ITGB6: variants seen among roughly 807,000 people sequenced by gnomAD.
ITGB6 encodes integrin beta-6.
In ITGB6, 80 loss-of-function variants were observed where a neutral mutation model predicts 84.5. The observed-to-expected ratio is 0.95, with a 90% confidence interval of 0.79 to 1.14. ITGB6 has a LOEUF of 1.14. Ranked by LOEUF, ITGB6 falls within the 50% of genes most tolerant of loss-of-function variation. The pLI is 0.00. For missense variants in ITGB6, 1,006 were observed against 968.0 expected (o/e 1.04, Z -0.52); for synonymous variants, 383 against 354.9 (o/e 1.08, Z -0.89).
chr2:160,184,921 A>C (rs1685834488), intron 4 of ITGB6, among the ~76,000 whole-genome samples: 1 of 152,182 alleles, frequency 6.6e-6, no homozygotes, highest in South Asian at 2.1e-4. Flanking sequence ...CTTCAACAAA[A>C]CTCAACATCC....
chr2:160,137,696 T>A lies in ITGB6; in HGVS notation c.1398A>T (p.Lys466Asn), dbSNP rs749120125. ...CQKEVEVNSS[K>N]CHHGNGSFQC... is the part of the protein sequence containing the mutation. ...GGAAAGAGCCGTTCCCGTGGTGACA[T>A]TTGGAGCTGTTCACTTCCACTTCTT... is the stretch of plus-strand genomic sequence containing the variant. Residue 466 changes from lysine (K) to asparagine (N), a missense_variant, in exon 10 of 15, where the codon AAA becomes AAT. Transcript: ENST00000283249. 6.2e-7 allele frequency: 1 copy of A among 1,614,166 alleles called. No individual in the cohort carries two copies. The highest frequency in any genetic ancestry group is 1.1e-5 in the South Asian group (1 of 91,076).
chr2:160,121,730 T>C (rs1386427751), intron 12 of ITGB6, among the ~76,000 whole-genome samples: 1 of 146,746 alleles, frequency 6.8e-6, no homozygotes, highest in African/African-American at 2.5e-5. Flanking sequence ...ATCACGCCAC[T>C]ACACTCCAGC....
Position 160,125,510 on chromosome 2 carries a change from C to T in ITGB6, c.1883+869G>A, listed in dbSNP as rs867852727. Among the ~76,000 whole-genome samples the T allele has an allele frequency of 1.8e-4, 27 of 152,302 alleles. No individual in the cohort carries two copies. In the South Asian group the frequency reaches 5.6e-3, roughly 32 times the overall value. On this transcript the variant is annotated intron_variant, in intron 11 of 14. Transcript: ENST00000283249. The stretch of plus-strand genomic sequence containing the variant: ...ATGTCCTCATGCTTCTCCTGGCATG[C>T]GTCTTGTCTTAGTTTGCCAGTGACA...
chr2:160,131,163 C>T (rs1408642351), intron 10 of ITGB6, among the ~76,000 whole-genome samples: 1 of 151,544 alleles, frequency 6.6e-6, no homozygotes, highest in African/African-American at 2.4e-5. Flanking sequence ...CATGCTATTT[C>T]AGAGGGATAG....
intron 4 of ITGB6, among the ~76,000 whole-genome samples, chr2:160,177,867 C>T (rs1051805555): frequency 6.8e-6 from 1 of 147,744 alleles, no homozygotes. Context: ...ATAAAAAGAG[C>T]GAACAGTTAT....
At chr2:160,196,949 A>C (rs144539464) in intron 2 of ITGB6, among the ~76,000 whole-genome samples, 1 of 152,080 alleles carries the variant, frequency 6.6e-6, no homozygotes, top group Non-Finnish European at 1.5e-5. Flanking sequence ...CCTAAAGGGT[A>C]GGGATTGCAA....
At chr2:160,132,311 A>G (rs1683501864) in intron 10 of ITGB6, among the ~76,000 whole-genome samples, 1 of 152,148 alleles carries the variant, frequency 6.6e-6, no homozygotes, top group South Asian at 2.1e-4. Flanking sequence ...ACAGACCATA[A>G]ATTTTTCACT....
intron 8 of ITGB6, among the ~76,000 whole-genome samples, chr2:160,141,713 C>T (rs2105824550): frequency 6.6e-6 from 1 of 152,182 alleles, no homozygotes; most frequent in Middle Eastern, 3.4e-3. Flanking sequence ...AATTTTGCGG[C>T]AACAATGTTA....
intron 10 of ITGB6, among the ~76,000 whole-genome samples, chr2:160,133,395 C>G (rs533339191): frequency 6.6e-6 from 1 of 152,210 alleles, no homozygotes; most frequent in African/African-American, 2.4e-5. Context: ...ACAGGAGCAC[C>G]TAGATTCATA....
chr2:160,197,561 T>G (rs1362381688), intron 2 of ITGB6, among the ~76,000 whole-genome samples: 6 of 152,224 alleles, frequency 3.9e-5, no homozygotes, highest in Non-Finnish European at 8.8e-5. Flanking sequence ...GCTCATACTA[T>G]TTTCCTTGCC....
At chr2:160,114,667 G>A (rs1682684470) in intron 12 of ITGB6, among the ~76,000 whole-genome samples, 1 of 152,172 alleles carries the variant, frequency 6.6e-6, no homozygotes, top group South Asian at 2.1e-4. Context: ...AGGTCAGTGG[G>A]TGCGCGCACC....
At chr2:160,144,594 A>G (rs1004720370) in intron 7 of ITGB6, among the ~76,000 whole-genome samples, 1 of 152,194 alleles carries the variant, frequency 6.6e-6, no homozygotes, top group Non-Finnish European at 1.5e-5. Context: ...TCTCTTAGGA[A>G]AAGGATTTCA....
chr2:160,153,333 G>A (rs894989885), intron 7 of ITGB6, among the ~76,000 whole-genome samples: 2 of 152,188 alleles, frequency 1.3e-5, no homozygotes, highest in African/African-American at 4.8e-5. Flanking sequence ...AACAAGCAAT[G>A]GGAAAAGGAT....
rs1294595385 is a variant in ITGB6, at chr2:160,137,109, GA to G, written c.1660+324del. ...CAGTCAGACACAGCTGCTTGGTCCA[GA>G]AAAACCTGGAAGGTAATGGAGTTCA... On this transcript the variant is annotated intron_variant, in intron 10 of 14. Transcript: ENST00000283249. Among the ~76,000 whole-genome samples the G allele has an allele frequency of 4.6e-5, 7 of 151,058 alleles. No individual in the cohort carries two copies. The South Asian group carries it at 1.5e-3, about 32-fold the overall frequency.
intron 4 of ITGB6, among the ~76,000 whole-genome samples, chr2:160,185,106 C>G (rs1685842217): frequency 6.6e-6 from 1 of 152,156 alleles, no homozygotes; most frequent in South Asian, 2.1e-4. Flanking sequence ...TCCTATTCAA[C>G]ATGGTATTGG....
chr2:160,132,003 C>T (rs957021849), intron 10 of ITGB6, among the ~76,000 whole-genome samples: 2 of 152,070 alleles, frequency 1.3e-5, no homozygotes, highest in Admixed American at 6.6e-5. Flanking sequence ...AAATATAGGT[C>T]GTGTTAGTAT....
chr2:160,141,857 A>T (rs1208398506), intron 8 of ITGB6, 125 bp downstream of exon 8: 1 of 610,936 alleles, frequency 1.6e-6, no homozygotes, highest in East Asian at 3.2e-5. Context: ...GCATTCATGC[A>T]GAGACTTTTT....
intron 2 of ITGB6, among the ~76,000 whole-genome samples, chr2:160,196,678 CAT>C (rs1491491254): frequency 2.6e-5 from 4 of 151,350 alleles, no homozygotes; most frequent in African/African-American, 7.3e-5. Context: ...GTAACAATTG[CAT>C]GTGTGTGTGT....
intron 5 of ITGB6, 24 bp from the exon 6 acceptor site, chr2:160,172,754 T>G (rs767102199): frequency 6.3e-7 from 1 of 1,577,778 alleles, no homozygotes; most frequent in Non-Finnish European, 8.7e-7. Context: ...GAAACATTTG[T>G]GTGATATTGG....
Sources: gnomAD v4.1 joint callset for allele counts (sites outside exome capture counted in the v4.1 genomes callset) on GRCh38, gnomAD v4.1.1 for gene constraint, MANE v1.5 for transcripts, NCBI Gene and HGNC (gene_info 2026-07-23, HGNC 2026-07-21) for gene names.